Variants in HHAT observed in about 807,000 individuals in gnomAD.
HHAT encodes the protein hedgehog acyltransferase.
HHAT carries 47 observed loss-of-function variants against 70.8 expected under a neutral mutation model. The ratio of observed to expected loss-of-function variants is 0.66; its 90% CI spans 0.53 to 0.85. HHAT has a LOEUF of 0.85. Among genes scored for constraint, HHAT ranks in the 40% least tolerant of loss-of-function variants. The pLI, the probability that HHAT is intolerant of heterozygous loss-of-function variation, is 0.00. For synonymous variants in HHAT, 228 were observed against 247.6 expected (o/e 0.92, Z 0.74); for missense variants, 609 against 604.8 (o/e 1.01, Z -0.07).
At chr1:210,589,352 A>G (rs1661166933) in intron 10 of HHAT, 1 of 152,210 alleles carries the variant, frequency 6.6e-6, no homozygotes, top group South Asian at 2.1e-4. Context: ...AAAGATAAAT[A>G]TTTTTCCAGC....
intron 7 of HHAT, among the ~76,000 whole-genome samples, chr1:210,453,519 C>T (rs1349540115): frequency 6.6e-6 from 1 of 152,120 alleles, no homozygotes; most frequent in African/African-American, 2.4e-5. Flanking sequence ...TATTCCGTGC[C>T]TTCCCTTTCC....
At chr1:210,453,316 T>C (rs1299198034) in intron 7 of HHAT, among the ~76,000 whole-genome samples, 1 of 152,188 alleles carries the variant, frequency 6.6e-6, no homozygotes, top group Non-Finnish European at 1.5e-5. Flanking sequence ...TTAAAATTAA[T>C]GCAGTGTAAA....
intron 4 of HHAT, among the ~76,000 whole-genome samples, chr1:210,398,687 C>T (rs1310694810): frequency 1.3e-5 from 2 of 152,192 alleles, no homozygotes; most frequent in Admixed American, 6.5e-5. Context: ...TGTAGCCACA[C>T]ATGCACAAAA....
At chr1:210,485,549 T>A (rs1276488556) in intron 8 of HHAT, among the ~76,000 whole-genome samples, 6 of 152,142 alleles carry the variant, frequency 3.9e-5, no homozygotes, top group Non-Finnish European at 8.8e-5. Context: ...TTCACACCAC[T>A]GATAAAGACC....
intron 9 of HHAT, among the ~76,000 whole-genome samples, chr1:210,585,468 A>C (rs937581533): frequency 6.6e-6 from 1 of 152,098 alleles, no homozygotes; most frequent in Non-Finnish European, 1.5e-5. Context: ...GCTGGAGTGC[A>C]GTGGCATGTT....
At chr1:210,381,029 G>A (rs1472944300) in intron 3 of HHAT, among the ~76,000 whole-genome samples, 5 of 152,104 alleles carry the variant, frequency 3.3e-5, no homozygotes, top group Non-Finnish European at 7.4e-5. Context: ...CTTTGGTGCT[G>A]TGTAGGGAGC....
intron 6 of HHAT, among the ~76,000 whole-genome samples, chr1:210,414,549 G>GA (rs2092660656): frequency 6.6e-6 from 1 of 152,132 alleles, no homozygotes; most frequent in African/African-American, 2.4e-5. Flanking sequence ...AAAACATGGA[G>GA]AAGAATACTC....
chr1:210,446,860 T>C (rs2093645344), intron 7 of HHAT, among the ~76,000 whole-genome samples: 1 of 152,232 alleles, frequency 6.6e-6, no homozygotes, highest in African/African-American at 2.4e-5. Flanking sequence ...GTAGGACTCA[T>C]TGCCATGTGA....
At chr1:210,630,609 C>G (rs925527303) in intron 11 of HHAT, among the ~76,000 whole-genome samples, 2 of 152,174 alleles carry the variant, frequency 1.3e-5, no homozygotes, top group South Asian at 2.1e-4. Context: ...GGTAACAGCC[C>G]CCTGCTTTTC....
intron 8 of HHAT, among the ~76,000 whole-genome samples, chr1:210,476,972 G>A (rs1204912922): frequency 6.6e-6 from 1 of 152,174 alleles, no homozygotes; most frequent in African/African-American, 2.4e-5. Context: ...AGACTGCCTG[G>A]ATGATGGCCA....
rs1295678813 is a variant in HHAT at position 210,329,420 on chromosome 1, T to G, written c.-44+316T>G. The G allele has an allele frequency of 7.2e-6, 8 of 1,105,436 alleles. No individual in the cohort carries two copies. In the African/African-American group the frequency reaches 1.3e-4, roughly 18 times the overall value. 68.5% of individuals were successfully genotyped at this position (1,105,436 alleles called of 1,614,324 possible). On this transcript the variant is annotated intron_variant, in intron 1 of 11. Transcript: ENST00000261458. ...GGAACTGCTGCGGGGAGTTGCGAAC[T>G]CTGGTCCTCTTGGCAGTATCGGCGG... is the stretch of plus-strand genomic sequence containing the variant.
At chr1:210,493,516 T>C (rs961345457) in intron 8 of HHAT, among the ~76,000 whole-genome samples, 5 of 152,214 alleles carry the variant, frequency 3.3e-5, no homozygotes, top group African/African-American at 9.6e-5. Flanking sequence ...ATGTTCATCA[T>C]ATTTTGAAAA....
chr1:210,342,900 G>A (rs1031022477), intron 1 of HHAT, among the ~76,000 whole-genome samples: 1 of 152,086 alleles, frequency 6.6e-6, no homozygotes, highest in African/African-American at 2.4e-5. Flanking sequence ...TATCTACTCT[G>A]ATTTACTTTC....
intron 11 of HHAT, among the ~76,000 whole-genome samples, chr1:210,669,836 G>A (rs972690198): frequency 1.3e-5 from 2 of 152,232 alleles, no homozygotes; most frequent in African/African-American, 4.8e-5. Flanking sequence ...CAGGCAGTAT[G>A]AGCCACATTA....
chr1:210,458,849 G>T (rs1194719477), intron 7 of HHAT, among the ~76,000 whole-genome samples: 4 of 152,124 alleles, frequency 2.6e-5, no homozygotes, highest in Non-Finnish European at 4.4e-5. Flanking sequence ...TTCATTTTTA[G>T]TTAAAATTAT....
chr1:210,498,772 TTC>T (rs201856136), intron 8 of HHAT, among the ~76,000 whole-genome samples: 2 of 49,886 alleles, frequency 4.0e-5, no homozygotes, highest in Non-Finnish European at 8.1e-5. Context: ...GTTTTTTTTT[TTC>T]TTTTTTTTTT....
chr1:210,530,826 A>G (rs1303397831), intron 9 of HHAT, among the ~76,000 whole-genome samples: 5 of 152,194 alleles, frequency 3.3e-5, no homozygotes, highest in Non-Finnish European at 7.3e-5. Context: ...AATCTAGTCA[A>G]TTCTTTTAGT....
intron 11 of HHAT, among the ~76,000 whole-genome samples, chr1:210,656,165 G>A (rs2148947893): frequency 6.6e-6 from 1 of 152,258 alleles, no homozygotes; most frequent in Non-Finnish European, 1.5e-5. Context: ...CATAGACTAA[G>A]TCCATTTCCC....
rs146843466 is a variant in HHAT, at chr1:210,378,846, A to T, written c.160-8622A>T. Among the ~76,000 whole-genome samples, 14 of 152,292 alleles carry T rather than the reference A, an allele frequency of 9.2e-5. 1 individual carries two copies. The South Asian group carries it at 1.7e-3, about 18-fold the overall frequency. On this transcript the variant is annotated intron_variant, in intron 3 of 11. Coordinates refer to ENST00000261458, the MANE Select transcript of HHAT (RefSeq NM_018194.6). ...CCTCCATTGAATAGACTTATTTCAG[A>T]CTAGTGTTCTTCAAAGTGAACTGTT...
Sources: allele counts gnomAD v4.1 joint callset (sites outside exome capture counted in the v4.1 genomes callset), GRCh38; gene constraint gnomAD v4.1.1; transcripts MANE v1.5; gene names NCBI Gene and HGNC (gene_info 2026-07-23, HGNC 2026-07-21).